SYN3: variants seen among roughly 807,000 people sequenced by gnomAD.
SYN3 encodes the protein synapsin III, also known as synapsin-3.
In SYN3, 35 loss-of-function variants were observed where a neutral mutation model predicts 65.8. The observed-to-expected ratio is 0.53, with a 90% confidence interval of 0.41 to 0.70. The LOEUF (loss-of-function observed/expected upper bound fraction) is 0.70, where lower values mean the gene tolerates loss of function less well. Among genes scored for constraint, SYN3 ranks in the 30% least tolerant of loss-of-function variants. The pLI is 0.00. For missense variants in SYN3, 680 were observed against 749.0 expected, an observed-to-expected ratio of 0.91 and a Z score of 1.08; for synonymous variants, 270 against 292.9, an observed-to-expected ratio of 0.92 and a Z score of 0.80.
intron 6 of SYN3, among the ~76,000 whole-genome samples, chr22:32,759,157 A>T (rs1325744655): frequency 1.3e-5 from 2 of 152,130 alleles, no homozygotes; most frequent in African/African-American, 2.4e-5. Context: ...GGAGCCCCAG[A>T]ATTAGACAGG....
chr22:32,550,783 C>A (rs1162230129), intron 7 of SYN3, among the ~76,000 whole-genome samples: 5 of 151,894 alleles, frequency 3.3e-5, no homozygotes, highest in African/African-American at 1.2e-4. Flanking sequence ...GCTTCCATGG[C>A]TCCTTGGGGA....
intron 6 of SYN3, among the ~76,000 whole-genome samples, chr22:32,657,289 G>T (rs996503973): frequency 2.0e-5 from 3 of 152,022 alleles, no homozygotes; most frequent in Non-Finnish European, 2.9e-5. Context: ...TCACCCGGCT[G>T]ATTTTTTGTA....
chr22:32,801,744 TCTC>T lies in SYN3; in HGVS notation c.711+63168_711+63170del. On this transcript the variant is annotated intron_variant, in intron 6 of 13. Coordinates refer to ENST00000358763, the MANE Select transcript of SYN3 (RefSeq NM_003490.4). This position sits in a 1 kb window ranked among gnomAD's most constrained non-coding sequence, Gnocchi z 4.7. ...GCAGGCGGCGGGCGCTCAGACGGCT[TCTC>T]CTCCTCCTCTTGCTCCTCCAGCTCC... 3.4e-5 allele frequency: 8 copies of T among 234,842 alleles called. No individual in the cohort carries two copies. The highest frequency in any genetic ancestry group is 1.0e-4 in the East Asian group (1 of 9,608). 14.5% of individuals were successfully genotyped at this position (234,842 alleles called of 1,614,324 possible).
intron 4 of SYN3, among the ~76,000 whole-genome samples, chr22:32,881,425 C>T (rs1380558114): frequency 6.6e-6 from 1 of 152,184 alleles, no homozygotes; most frequent in African/African-American, 2.4e-5. Context: ...TCAGAGGGCT[C>T]ACTTATCAGC....
chr22:32,764,614 G>A (rs1315886820), intron 6 of SYN3, among the ~76,000 whole-genome samples: 1 of 152,214 alleles, frequency 6.6e-6, no homozygotes, highest in East Asian at 1.9e-4. Context: ...GTTGGCTCTG[G>A]CTGTGGATTT....
intron 6 of SYN3, among the ~76,000 whole-genome samples, chr22:32,800,765 ACATGCC>A (rs2046548495): frequency 6.6e-6 from 1 of 152,106 alleles, no homozygotes; most frequent in Non-Finnish European, 1.5e-5. Context: ...TGTCTTTCAA[ACATGCC>A]CAGGGTCTTT....
At chr22:32,595,118 T>A (rs746123648) in intron 7 of SYN3, among the ~76,000 whole-genome samples, 1 of 152,210 alleles carries the variant, frequency 6.6e-6, no homozygotes, top group Non-Finnish European at 1.5e-5. Context: ...GGGACTCTGA[T>A]GCACATGGTT....
intron 6 of SYN3, among the ~76,000 whole-genome samples, chr22:32,718,425 A>G (rs2061068690): frequency 6.6e-6 from 1 of 151,588 alleles, no homozygotes; most frequent in African/African-American, 2.4e-5. Context: ...CACTGGTAGG[A>G]CCCGAGGTGT....
Position 32,693,075 on chromosome 22 carries a change from C to CTATA in SYN3, c.712-96343_712-96340dup, listed in dbSNP as rs139611914. On this transcript the variant is annotated intron_variant, in intron 6 of 13. Coordinates refer to ENST00000358763, the MANE Select transcript of SYN3 (RefSeq NM_003490.4). ...CTGAAACCTCAGATAGTACTGAACC[C>CTATA]TATATATATATATACTATGTTTTTC... 7.4e-4 allele frequency among the ~76,000 whole-genome samples: 112 copies of CTATA among 151,134 alleles called. No individual in the cohort carries two copies. The East Asian group carries it at 0.016, about 22-fold the overall frequency.
In SYN3 at chr22:32,693,592, G is replaced by GTTTTTT. The variant is rs1189710191; in HGVS notation, c.712-96862_712-96857dup. On this transcript the variant is annotated intron_variant, in intron 6 of 13. Transcript: ENST00000358763. Reference sequence around the variant, plus strand: ...ATATAATATTATTTTTCTGTAGCTTGTTTTTTTTTTTTTTTTTTTTTTTGA... The same window carrying GTTTTTT: ...ATATAATATTATTTTTCTGTAGCTTGTTTTTTTTTTTTTTTTTTTTTTTTTTTTTGA... 2.3e-3 allele frequency among the ~76,000 whole-genome samples: 205 copies of GTTTTTT among 90,484 alleles called. 12 individuals carry two copies. Among genetic ancestry groups the GTTTTTT allele is most frequent in the East Asian group, 7.0e-3 (18 of 2,582 alleles). The allele number at this position is 90,484 out of a possible 152,430, so 59.4% of individuals were successfully genotyped here.
In SYN3 at chr22:32,679,048, C is replaced by CTTTTTTTT. The variant is rs145971116; in HGVS notation, c.712-82320_712-82313dup. ...CATTTTCTTTTTTCTTTGTTTCTTTCTTTTTTTTTTTTTTTTTTTTTTGAG... is the reference window on the plus strand; with the variant it reads ...CATTTTCTTTTTTCTTTGTTTCTTTCTTTTTTTTTTTTTTTTTTTTTTTTTTTTTTGAG... On this transcript the variant is annotated intron_variant, in intron 6 of 13. Transcript: ENST00000358763. Among the ~76,000 whole-genome samples the CTTTTTTTT allele has an allele frequency of 3.2e-4, 27 of 85,634 alleles. 1 individual carries two copies. The highest frequency in any genetic ancestry group is 4.8e-4 in the Non-Finnish European group (23 of 47,518). 56.2% of individuals were successfully genotyped at this position (85,634 alleles called of 152,430 possible). A position where few individuals can be genotyped will look rare whatever the true frequency, so the allele number is the denominator to read the frequency against.
chr22:33,031,206 A>C (rs902813179), intron 1 of SYN3, among the ~76,000 whole-genome samples: 10 of 152,156 alleles, frequency 6.6e-5, no homozygotes, highest in African/African-American at 2.4e-4. Flanking sequence ...AAAGCAGAGA[A>C]AGCAAAGTGA....
chr22:32,559,777 C>A (rs1376971964), intron 7 of SYN3, among the ~76,000 whole-genome samples: 1 of 151,652 alleles, frequency 6.6e-6, no homozygotes, highest in Non-Finnish European at 1.5e-5. Flanking sequence ...TTGCAGTGTG[C>A]CCAGATAGCG....
intron 1 of SYN3, among the ~76,000 whole-genome samples, chr22:33,013,105 T>C (rs2053389661): frequency 6.6e-6 from 1 of 152,188 alleles, no homozygotes; most frequent in South Asian, 2.1e-4. Context: ...TTAGAGTTTA[T>C]TTAACAATTC....
chr22:32,923,842 C>A (rs9609658), intron 4 of SYN3, among the ~76,000 whole-genome samples: 17,290 of 152,186 alleles, frequency 0.11, 1,500 homozygotes, highest in East Asian at 0.46. Flanking sequence ...TCTCCCTCCT[C>A]CCACCCTTCA....
intron 6 of SYN3, among the ~76,000 whole-genome samples, chr22:32,648,492 C>T (rs779575916): frequency 2.0e-5 from 3 of 152,120 alleles, no homozygotes; most frequent in Non-Finnish European, 2.9e-5. Flanking sequence ...TTGTGACCAA[C>T]GATTGAAGTT....
At chr22:32,767,198 C>G (rs117809488) in intron 6 of SYN3, among the ~76,000 whole-genome samples, 1,578 of 152,336 alleles carry the variant, frequency 0.01, 19 homozygotes, top group Non-Finnish European at 0.019. Flanking sequence ...CACAAGCACA[C>G]TTGGGGTTTT....
At chr22:32,639,659 A>C (rs2059868452) in intron 6 of SYN3, among the ~76,000 whole-genome samples, 1 of 151,684 alleles carries the variant, frequency 6.6e-6, no homozygotes, top group African/African-American at 2.4e-5. Context: ...GTGATATACC[A>C]TCTCAGTCTC....
intron 7 of SYN3, among the ~76,000 whole-genome samples, chr22:32,570,605 A>G (rs2058746439): frequency 6.6e-6 from 1 of 152,006 alleles, no homozygotes; most frequent in Admixed American, 6.6e-5. Context: ...GGTGCTGAGA[A>G]GTGTGCTCTG....
Sources: gnomAD v4.1 joint callset for allele counts (sites outside exome capture counted in the v4.1 genomes callset) on GRCh38, gnomAD v4.1.1 for gene constraint, Gnocchi (gnomAD v3.1) non-coding constraint, MANE v1.5 for transcripts, NCBI Gene and HGNC (gene_info 2026-07-23, HGNC 2026-07-21) for gene names.